CIMIP5: variants seen among roughly 807,000 people sequenced by gnomAD.
CIMIP5 encodes ciliary microtubule inner protein 5.
chr2:11,151,566 TTAA>T, the CIMIP5 span, among the ~76,000 whole-genome samples: 1 of 152,176 alleles, frequency 6.6e-6, no homozygotes, highest in Non-Finnish European at 1.5e-5. Context: ...AGATTGGAGC[TTAA>T]TTATTACTCA....
At chr2:11,133,422 C>T in the CIMIP5 span, 1 of 1,611,318 alleles carries the variant, frequency 6.2e-7, no homozygotes, top group South Asian at 1.1e-5. Flanking sequence ...CTCGGTCTCC[C>T]CAGCTGCCCG....
the CIMIP5 span, among the ~76,000 whole-genome samples, chr2:11,153,848 C>A: frequency 1.0e-3 from 151 of 151,346 alleles, no homozygotes; most frequent in African/African-American, 3.6e-3. Flanking sequence ...CACTTGAACC[C>A]CGGAGGTGGA....
chr2:11,144,223 G>C, the CIMIP5 span: 1 of 853,858 alleles, frequency 1.2e-6, no homozygotes, highest in South Asian at 2.5e-5. Context: ...GGTCTGCACT[G>C]TCTGTAAGCT....
At chr2:11,141,528 T>A in the CIMIP5 span, among the ~76,000 whole-genome samples, 4 of 152,190 alleles carry the variant, frequency 2.6e-5, no homozygotes, top group South Asian at 8.3e-4. Context: ...CTCTTCAAGA[T>A]CCTGCTCTAG....
chr2:11,143,959 CCT>C, the CIMIP5 span: 1 of 1,602,878 alleles, frequency 6.2e-7, no homozygotes, highest in Non-Finnish European at 8.5e-7. Context: ...AGACCATGTG[CCT>C]CTCTTTTCGG....
At chr2:11,140,086 C>CAA in the CIMIP5 span, among the ~76,000 whole-genome samples, 8,396 of 84,548 alleles carry the variant, frequency 0.099, 1,282 homozygotes, top group African/African-American at 0.3. Flanking sequence ...GACTCCCTCT[C>CAA]AAAAAAAAAA....
At chr2:11,147,417 G>C in the CIMIP5 span, among the ~76,000 whole-genome samples, 1 of 152,196 alleles carries the variant, frequency 6.6e-6, no homozygotes, top group Admixed American at 6.5e-5. Flanking sequence ...GAAGAAGAAA[G>C]GGGTTTGAGT....
the CIMIP5 span, among the ~76,000 whole-genome samples, chr2:11,134,574 A>G: frequency 6.6e-6 from 1 of 152,146 alleles, no homozygotes; most frequent in East Asian, 1.9e-4. Context: ...GAATTGTGCA[A>G]TATTTGACTT....
the CIMIP5 span, among the ~76,000 whole-genome samples, chr2:11,134,336 A>AT: frequency 6.6e-6 from 1 of 152,210 alleles, no homozygotes; most frequent in African/African-American, 2.4e-5. Context: ...GTCTGGATGC[A>AT]TTTTTTCCAA....
the CIMIP5 span, among the ~76,000 whole-genome samples, chr2:11,142,403 C>G: frequency 6.6e-6 from 1 of 152,154 alleles, no homozygotes; most frequent in Non-Finnish European, 1.5e-5. Flanking sequence ...CATTGTGGAC[C>G]TGCTGGACTT....
the CIMIP5 span, among the ~76,000 whole-genome samples, chr2:11,134,041 T>C: frequency 6.6e-6 from 1 of 151,964 alleles, no homozygotes; most frequent in South Asian, 2.1e-4. Context: ...CGAGCCTTCA[T>C]ACTCAGGACA....
At chr2:11,149,486 G>T in the CIMIP5 span, among the ~76,000 whole-genome samples, 37,144 of 151,918 alleles carry the variant, frequency 0.24, 4,902 homozygotes, top group East Asian at 0.48. Flanking sequence ...TAAAAGTATC[G>T]CTTGAGCTCA....
the CIMIP5 span, chr2:11,133,338 G>A: frequency 6.3e-7 from 1 of 1,581,590 alleles, no homozygotes; most frequent in South Asian, 1.1e-5. Flanking sequence ...TTGCACCATG[G>A]GGAGCCACCC....
chr2:11,134,902 C>G, the CIMIP5 span, among the ~76,000 whole-genome samples: 1 of 152,150 alleles, frequency 6.6e-6, no homozygotes, highest in East Asian at 1.9e-4. Flanking sequence ...GCTGTACGAG[C>G]ATAGTCCTGG....
chr2:11,143,437 G>C, the CIMIP5 span, among the ~76,000 whole-genome samples: 1 of 152,050 alleles, frequency 6.6e-6, no homozygotes, highest in Non-Finnish European at 1.5e-5. Flanking sequence ...GAAAGGAGGT[G>C]GGGGAGGGGA....
chr2:11,143,567 C>G, the CIMIP5 span, among the ~76,000 whole-genome samples: 1 of 144,158 alleles, frequency 6.9e-6, no homozygotes, highest in Non-Finnish European at 1.5e-5. Flanking sequence ...TACAAATTTA[C>G]CAAAAAAAAA....
At chr2:11,147,790 CCTT>C in the CIMIP5 span, among the ~76,000 whole-genome samples, 26,174 of 152,074 alleles carry the variant, frequency 0.17, 6,624 homozygotes, top group African/African-American at 0.56. Context: ...GCCACATCTG[CCTT>C]CTTTTCAAGA....
chr2:11,142,516 G>T, the CIMIP5 span, among the ~76,000 whole-genome samples: 1 of 152,092 alleles, frequency 6.6e-6, no homozygotes, highest in Non-Finnish European at 1.5e-5. Flanking sequence ...TCCCTGCTAA[G>T]GGCTACATGA....
the CIMIP5 span, chr2:11,133,289 C>CTCTT: frequency 6.5e-7 from 1 of 1,541,012 alleles, no homozygotes; most frequent in Admixed American, 2.2e-5. Context: ...AGGTCTCTCT[C>CTCTT]TCTCTCTCTC....
Sources: gnomAD v4.1 joint callset for allele counts (sites outside exome capture counted in the v4.1 genomes callset) on GRCh38, gnomAD v4.1.1 for gene constraint, MANE v1.5 for transcripts, NCBI Gene and HGNC (gene_info 2026-07-23, HGNC 2026-07-21) for gene names.